PLXNA2: variants seen among roughly 807,000 people sequenced by gnomAD.
PLXNA2 encodes plexin A2.
A neutral mutation model predicts 193.5 loss-of-function variants in PLXNA2; 91 were observed. The observed-to-expected ratio is 0.47, with a 90% confidence interval of 0.40 to 0.56. PLXNA2 has a LOEUF of 0.56. Among genes scored for constraint, PLXNA2 ranks in the 20% least tolerant of loss-of-function variants. The pLI is 0.00. For synonymous variants in PLXNA2, 997 were observed against 1,027.3 expected (o/e 0.97, Z 0.56); for missense variants, 1,995 against 2,503.2 (o/e 0.80, Z 4.33).
chr1:208,095,124 C>T (rs185894529), intron 8 of PLXNA2, among the ~76,000 whole-genome samples: 2 of 152,318 alleles, frequency 1.3e-5, no homozygotes, highest in Admixed American at 1.3e-4. Context: ...GACCTCTCCC[C>T]TTGCTGAATG....
intron 5 of PLXNA2, among the ~76,000 whole-genome samples, chr1:208,102,732 CA>C: frequency 6.6e-6 from 1 of 152,342 alleles, no homozygotes; most frequent in Middle Eastern, 3.4e-3. Context: ...GGTCACACAG[CA>C]GCTAGCTGGA....
intron 20 of PLXNA2, 87 bp from the exon 21 acceptor site, chr1:208,043,290 G>A: frequency 7.5e-7 from 1 of 1,325,392 alleles, no homozygotes. Flanking sequence ...AAAGGACGAG[G>A]GGAGGACCTT....
At position 208,082,761 on chromosome 1, in the gene PLXNA2, C is replaced by T. The variant is rs1000035462; in HGVS notation, c.2299-253G>A. Reference sequence around the variant, plus strand: ...GGAAAGCTTTGAATCTACCTTTCTCCAAACACATCTTCTTAAGCCCCTCTC... The same window carrying T: ...GGAAAGCTTTGAATCTACCTTTCTCTAAACACATCTTCTTAAGCCCCTCTC... On this transcript the variant is annotated intron_variant, in intron 10 of 31. Transcript: ENST00000367033. The surrounding 1 kb of genome is among the most constrained non-coding windows in gnomAD (Gnocchi z 4.2). Among the ~76,000 whole-genome samples, 1 of 152,144 alleles carries T rather than the reference C, an allele frequency of 6.6e-6. No individual in the cohort carries two copies. Among genetic ancestry groups the T allele is most frequent in the African/African-American group, 2.4e-5 (1 of 41,412 alleles).
intron 4 of PLXNA2, among the ~76,000 whole-genome samples, chr1:208,108,046 G>A (rs545230080): frequency 3.3e-5 from 5 of 152,208 alleles, no homozygotes; most frequent in African/African-American, 7.2e-5. Context: ...TCCTGGCCCC[G>A]GGGCCCCGCG....
At chr1:208,221,364 A>G in intron 1 of PLXNA2, among the ~76,000 whole-genome samples, 4 of 130,722 alleles carry the variant, frequency 3.1e-5, no homozygotes, top group East Asian at 2.5e-4. Flanking sequence ...TTAGGTCAGG[A>G]GCTTTTTTCT....
rs547705474 is a variant in PLXNA2 at position 208,030,943 on chromosome 1, G to A, written c.5225+647C>T. The A allele has an allele frequency of 1.4e-5, 14 of 986,546 alleles. No individual in the cohort carries two copies. The South Asian group carries it at 5.2e-4, about 36-fold the overall frequency. 61.1% of individuals were successfully genotyped at this position (986,546 alleles called of 1,614,324 possible). ...TGAGGGCTTCTCCCACTGCTGGTCT[G>A]GTTGCAGAGATGACTTTAGGGGAGA... On this transcript the variant is annotated intron_variant, in intron 29 of 31. Transcript: ENST00000367033.
At chr1:208,221,028 T>C (rs1671311876) in intron 1 of PLXNA2, among the ~76,000 whole-genome samples, 1 of 152,066 alleles carries the variant, frequency 6.6e-6, no homozygotes, top group African/African-American at 2.4e-5. Flanking sequence ...AAACACAGGA[T>C]CCTGAGAGTT....
Position 208,092,917 on chromosome 1 carries a change from G to A in PLXNA2, c.1983-17C>T, listed in dbSNP as rs770995806. On this transcript the variant is annotated splice_polypyrimidine_tract_variant and intron_variant, in intron 8 of 31. Coordinates refer to ENST00000367033, the MANE Select transcript of PLXNA2 (RefSeq NM_025179.4). ...GACAGGCACCTGCAAGGACAGAGATGGTGAGAGGCAAAGAGAAGAGAACAA... is the reference window on the plus strand; with the variant it reads ...GACAGGCACCTGCAAGGACAGAGATAGTGAGAGGCAAAGAGAAGAGAACAA... 4 of 1,559,298 alleles carry A rather than the reference G, an allele frequency of 2.6e-6. No homozygotes were observed. Among genetic ancestry groups the A allele is most frequent in the African/African-American group, 1.4e-5 (1 of 73,924 alleles).
intron 17 of PLXNA2, among the ~76,000 whole-genome samples, chr1:208,048,987 T>C (rs1173570762): frequency 6.6e-6 from 1 of 152,202 alleles, no homozygotes; most frequent in African/African-American, 2.4e-5. Context: ...GCCCTCATCA[T>C]TCTGGGACCA....
At chr1:208,224,549 G>C (rs1671454411) in intron 1 of PLXNA2, among the ~76,000 whole-genome samples, 1 of 152,168 alleles carries the variant, frequency 6.6e-6, no homozygotes, top group South Asian at 2.1e-4. Context: ...AGGAGAGAAA[G>C]AATTTCCTAT....
chr1:208,216,828 C>T lies in PLXNA2; in HGVS notation c.1095G>A (p.Leu365=). Residue 365 remains leucine, a synonymous_variant, in exon 2 of 32, where the codon TTG becomes TTA. Coordinates refer to ENST00000367033, the MANE Select transcript of PLXNA2 (RefSeq NM_025179.4). ...LCAFPIRAIN[L]QIKERLQSCY... is the part of the protein sequence containing the mutation. The stretch of plus-strand genomic sequence containing the variant: ...AGGACTGCAGGCGCTCCTTGATCTG[C>T]AAGTTGATGGCCCGGATAGGGAAGG... 1 of 1,614,196 alleles carries T rather than the reference C, an allele frequency of 6.2e-7. No homozygotes were observed. The highest frequency in any genetic ancestry group is 8.5e-7 in the Non-Finnish European group (1 of 1,180,044).
intron 4 of PLXNA2, among the ~76,000 whole-genome samples, chr1:208,128,107 C>T (rs1340055714): frequency 2.0e-5 from 3 of 152,146 alleles, no homozygotes; most frequent in African/African-American, 7.2e-5. Context: ...CTAGATCAAC[C>T]AGTAAATAAA....
chr1:208,190,038 C>G (rs1348353759), intron 3 of PLXNA2, among the ~76,000 whole-genome samples: 1 of 152,128 alleles, frequency 6.6e-6, no homozygotes, highest in Non-Finnish European at 1.5e-5. Flanking sequence ...CTAAAATTAC[C>G]ACCCACACCG....
At chr1:208,047,413 G>C (rs577298513) in intron 17 of PLXNA2, among the ~76,000 whole-genome samples, 1 of 97,324 alleles carries the variant, frequency 1.0e-5, no homozygotes, top group South Asian at 4.0e-4. Flanking sequence ...TGGCTGGGCT[G>C]GTCCAGTCCC....
chr1:208,103,325 T>C, intron 4 of PLXNA2, 78 bp from the exon 5 acceptor site: 1 of 1,102,264 alleles, frequency 9.1e-7, no homozygotes, highest in Non-Finnish European at 1.3e-6. Flanking sequence ...GTCCTGTGTG[T>C]ACTCACACTT....
intron 3 of PLXNA2, among the ~76,000 whole-genome samples, chr1:208,153,059 T>C (rs1459788554): frequency 6.6e-6 from 1 of 152,112 alleles, no homozygotes; most frequent in African/African-American, 2.4e-5. Context: ...TACAGCTTCG[T>C]ATGCCTTACT....
chr1:208,085,864 C>A (rs368947763), intron 9 of PLXNA2, among the ~76,000 whole-genome samples: 1 of 152,180 alleles, frequency 6.6e-6, no homozygotes, highest in Non-Finnish European at 1.5e-5. Flanking sequence ...CATGCTTTTC[C>A]GTCTATTAGA....
chr1:208,060,936 G>A, intron 12 of PLXNA2, 99 bp from the exon 13 acceptor site: 2 of 1,041,008 alleles, frequency 1.9e-6, no homozygotes, highest in Admixed American at 2.5e-5. Context: ...AACCTCCATA[G>A]GTTCTTAAAT....
At chr1:208,101,796 AGGCAT>A (rs2102416132) in intron 5 of PLXNA2, among the ~76,000 whole-genome samples, 1 of 152,288 alleles carries the variant, frequency 6.6e-6, no homozygotes, top group East Asian at 1.9e-4. Flanking sequence ...AGAGTGGCGG[AGGCAT>A]GGGGAGTAGG....
Sources: gnomAD v4.1 joint callset for allele counts (sites outside exome capture counted in the v4.1 genomes callset) on GRCh38, gnomAD v4.1.1 for gene constraint, Gnocchi (gnomAD v3.1) non-coding constraint, MANE v1.5 for transcripts, NCBI Gene and HGNC (gene_info 2026-07-23, HGNC 2026-07-21) for gene names.